The following SIK3 variants were observed in gnomAD, a reference collection of about 807,000 sequenced individuals.
SIK3 encodes serine/threonine-protein kinase SIK3.
In SIK3, 28 loss-of-function variants were observed where a neutral mutation model predicts 144.2. The observed-to-expected ratio is 0.19, with a 90% CI of 0.14 to 0.27. SIK3 has a LOEUF of 0.27. Ranked by LOEUF, SIK3 falls within the 10% of genes least tolerant of loss-of-function variation. The probability of loss-of-function intolerance (pLI) is 1.00; values close to 1 mark genes in which losing one functional copy is unlikely to be tolerated. For missense variants in SIK3, 1,319 were observed against 1,776.0 expected (o/e 0.74, Z 4.62); for synonymous variants, 686 against 676.3 (o/e 1.01, Z -0.22).
At chr11:116,938,796 A>T (rs1043832333) in intron 3 of SIK3, among the ~76,000 whole-genome samples, 1 of 152,218 alleles carries the variant, frequency 6.6e-6, no homozygotes, top group Non-Finnish European at 1.5e-5. Flanking sequence ...AAAAGGACAC[A>T]GGAGTCAGCC....
chr11:117,029,964 TAGAG>T (rs963545587), intron 1 of SIK3, among the ~76,000 whole-genome samples: 14 of 151,566 alleles, frequency 9.2e-5, no homozygotes, highest in East Asian at 5.8e-4. Context: ...AGAATATACA[TAGAG>T]AGAAGAGGGA....
intron 6 of SIK3, among the ~76,000 whole-genome samples, chr11:116,888,296 C>T (rs182302123): frequency 2.0e-5 from 3 of 152,334 alleles, no homozygotes; most frequent in African/African-American, 7.2e-5. Flanking sequence ...CTCTCAATCA[C>T]GCTATCTCCC....
At position 116,954,131 on chromosome 11, in the gene SIK3, C is replaced by T. The variant is rs753735480; in HGVS notation, c.391-24G>A. 2.5e-6 allele frequency: 4 copies of T among 1,602,676 alleles called. No homozygotes were observed. In the Admixed American group the frequency reaches 6.7e-5, roughly 27 times the overall value. ...ACCTGGTGCAAAGGCAGGAAAGTGA[C>T]AGACAGTGACACAAATGACAGGCTG... On this transcript the variant is annotated intron_variant, in intron 2 of 24. Transcript: ENST00000445177.
At chr11:117,097,893 C>T (rs1955550582) in intron 1 of SIK3, among the ~76,000 whole-genome samples, 1 of 151,970 alleles carries the variant, frequency 6.6e-6, no homozygotes, top group Admixed American at 6.6e-5. Flanking sequence ...GCCCCGAGGA[C>T]CCCTCCCCGC....
intron 1 of SIK3, among the ~76,000 whole-genome samples, chr11:116,966,386 C>G (rs1171089784): frequency 6.6e-6 from 1 of 151,750 alleles, no homozygotes; most frequent in Non-Finnish European, 1.5e-5. Flanking sequence ...GAGGGAGACC[C>G]CATTTCAAAA....
chr11:117,020,246 T>TATATATATATACAC, intron 1 of SIK3, among the ~76,000 whole-genome samples: 5 of 127,300 alleles, frequency 3.9e-5, no homozygotes, highest in South Asian at 2.6e-4. Flanking sequence ...CATATATATA[T>TATATATATATACAC]ACACATACAT....
intron 1 of SIK3, among the ~76,000 whole-genome samples, chr11:116,999,717 ACCCAG>A (rs767821948): frequency 1.6e-4 from 24 of 152,066 alleles, no homozygotes; most frequent in Non-Finnish European, 2.9e-4. Context: ...GAGCCACTGC[ACCCAG>A]CCCATTTTCA....
chr11:116,918,379 T>G (rs995412255), intron 4 of SIK3, among the ~76,000 whole-genome samples: 1 of 120,290 alleles, frequency 8.3e-6, no homozygotes, highest in African/African-American at 3.2e-5. Context: ...TCTCCTACAC[T>G]TTTTTTTCCA....
chr11:116,904,833 C>T (rs1316105281), intron 4 of SIK3: 1 of 161,080 alleles, frequency 6.2e-6, no homozygotes. Flanking sequence ...CCACCTCGGC[C>T]TTCCGAAGCG....
In SIK3 at chr11:116,847,467, G is replaced by T; in HGVS notation, c.3952+9C>A. 1 of 1,614,086 alleles carries T rather than the reference G, an allele frequency of 6.2e-7. No individual in the cohort carries two copies. Among genetic ancestry groups the T allele is most frequent in the Non-Finnish European group, 8.5e-7 (1 of 1,180,002 alleles). On this transcript the variant is annotated intron_variant, in intron 23 of 24. Transcript: ENST00000445177. ...TTCTCTGGAGTGCCCCATGCATAAGGCTCCTCACCCTCATTTTCCCCATCC... is the reference window on the plus strand; with the variant it reads ...TTCTCTGGAGTGCCCCATGCATAAGTCTCCTCACCCTCATTTTCCCCATCC...
intron 1 of SIK3, among the ~76,000 whole-genome samples, chr11:117,053,600 T>C (rs1377306145): frequency 3.3e-5 from 5 of 152,134 alleles, no homozygotes; most frequent in Non-Finnish European, 7.4e-5. Flanking sequence ...AAAGGCAGTC[T>C]GGCTCCAAAC....
chr11:117,028,164 T>G (rs1952101034), intron 1 of SIK3, among the ~76,000 whole-genome samples: 1 of 152,162 alleles, frequency 6.6e-6, no homozygotes, highest in African/African-American at 2.4e-5. Flanking sequence ...CTGCTTAAAA[T>G]TATATCAACA....
intron 19 of SIK3, among the ~76,000 whole-genome samples, chr11:116,860,745 A>ACCCAAATCT (rs3056855): frequency 0.15 from 20,913 of 143,062 alleles, 3,427 homozygotes; most frequent in African/African-American, 0.44. Flanking sequence ...GTGTGTACCC[A>ACCCAAATCT]CATCTTGAAG....
At chr11:116,965,192 G>GT (rs1040924025) in intron 1 of SIK3, among the ~76,000 whole-genome samples, 1 of 152,136 alleles carries the variant, frequency 6.6e-6, no homozygotes, top group African/African-American at 2.4e-5. Flanking sequence ...CTCAGTTCCA[G>GT]TAATTCCCAT....
At chr11:116,922,166 A>T (rs1282166820) in intron 4 of SIK3, among the ~76,000 whole-genome samples, 1 of 152,224 alleles carries the variant, frequency 6.6e-6, no homozygotes, top group Non-Finnish European at 1.5e-5. Context: ...CTCGAAGAGA[A>T]CTAGTATGGA....
intron 4 of SIK3, among the ~76,000 whole-genome samples, chr11:116,911,923 GT>G (rs1422652638): frequency 1.3e-5 from 2 of 152,158 alleles, no homozygotes; most frequent in African/African-American, 2.4e-5. Context: ...ATTCTAAAGA[GT>G]TACGGAAGAA....
chr11:117,095,724 A>G (rs1278005453), intron 1 of SIK3, among the ~76,000 whole-genome samples: 2 of 152,206 alleles, frequency 1.3e-5, no homozygotes, highest in Non-Finnish European at 2.9e-5. Flanking sequence ...AGCACGTGAC[A>G]ACTCCTTGTG....
chr11:116,885,828 T>C (rs1464104278), intron 6 of SIK3, among the ~76,000 whole-genome samples: 1 of 152,254 alleles, frequency 6.6e-6, no homozygotes, highest in African/African-American at 2.4e-5. Flanking sequence ...ATCTTGGGCA[T>C]GTTACTTAAC....
intron 3 of SIK3, among the ~76,000 whole-genome samples, chr11:116,938,136 C>T (rs554349129): frequency 4.8e-5 from 6 of 126,222 alleles, no homozygotes; most frequent in East Asian, 2.5e-4. Context: ...ACCTGGGAGG[C>T]GGAGGCTGCA....
Sources: allele counts gnomAD v4.1 joint callset (sites outside exome capture counted in the v4.1 genomes callset), GRCh38; gene constraint gnomAD v4.1.1; transcripts MANE v1.5; gene names NCBI Gene and HGNC (gene_info 2026-07-23, HGNC 2026-07-21).